Variants in ORC3 observed in about 807,000 individuals in gnomAD.
The protein encoded by ORC3 is homolog of latheo, Drosophila.
In ORC3, 78 loss-of-function variants were observed where a neutral mutation model predicts 100.7. That is an observed-to-expected ratio of 0.77 (90% CI 0.65 to 0.94). The LOEUF (loss-of-function observed/expected upper bound fraction) is 0.94, where lower values mean the gene tolerates loss of function less well. ORC3 is among the 40% of genes least tolerant of loss of function. The pLI, the probability that ORC3 is intolerant of heterozygous loss-of-function variation, is 0.00. For synonymous variants in ORC3, 295 were observed against 289.3 expected (o/e 1.02, Z -0.20); for missense variants, 789 against 823.9 (o/e 0.96, Z 0.52).
At chr6:87,607,547 T>C (rs966491323) in intron 5 of ORC3, 126 bp from the exon 6 acceptor site, 14 of 631,848 alleles carry the variant, frequency 2.2e-5, no homozygotes, top group Admixed American at 3.3e-5. Flanking sequence ...GCTGTATTGA[T>C]GGTAAGTATA....
At chr6:87,677,360 CTATTTA>C in the ORC3 span, among the ~76,000 whole-genome samples, 1 of 152,096 alleles carries the variant, frequency 6.6e-6, no homozygotes, top group Non-Finnish European at 1.5e-5. Context: ...GCTAAACATT[CTATTTA>C]TGTTACCATA....
chr6:87,669,310 G>A (rs1203959673), downstream of ORC3, among the ~76,000 whole-genome samples: 3 of 152,240 alleles, frequency 2.0e-5, no homozygotes, highest in African/African-American at 4.8e-5. Context: ...CTTTGGGAAA[G>A]ACAATGACCA....
At chr6:87,618,262 T>C (rs575937098) in intron 9 of ORC3, among the ~76,000 whole-genome samples, 1 of 151,800 alleles carries the variant, frequency 6.6e-6, no homozygotes, top group Non-Finnish European at 1.5e-5. Flanking sequence ...TACAAAAAAT[T>C]AGCCAGGCAT....
chr6:87,598,974 G>GGA (rs1332120442), intron 2 of ORC3, among the ~76,000 whole-genome samples: 2 of 152,140 alleles, frequency 1.3e-5, no homozygotes, highest in African/African-American at 4.8e-5. Context: ...GATAGGAACT[G>GGA]GAGAGAGAGA....
chr6:87,668,813 T>A (rs1183603916), downstream of ORC3, among the ~76,000 whole-genome samples: 1 of 151,874 alleles, frequency 6.6e-6, no homozygotes, highest in African/African-American at 2.4e-5. Context: ...TAAAACCCCA[T>A]CTCTACTAAA....
rs761680901 is a variant in ORC3 at position 87,594,310 on chromosome 6, C to T, written c.25-43C>T. On this transcript the variant is annotated intron_variant, in intron 1 of 19. Transcript: ENST00000392844. ...TTTGGTTAATCAGATTTCTCTGCTC[C>T]TTGGCTACTTTGACTTTATGCTTTT... 9.7e-6 allele frequency: 14 copies of T among 1,438,066 alleles called. No individual in the cohort carries two copies. In the East Asian group the frequency reaches 3.0e-4, roughly 31 times the overall value. 89.1% of individuals were successfully genotyped at this position (1,438,066 alleles called of 1,614,324 possible). A position where few individuals can be genotyped will look rare whatever the true frequency, so the allele number is the denominator to read the frequency against.
chr6:87,614,430 GT>G (rs2128257427), intron 8 of ORC3, among the ~76,000 whole-genome samples: 1 of 152,308 alleles, frequency 6.6e-6, no homozygotes, highest in Non-Finnish European at 1.5e-5. Context: ...TTTCTCCATT[GT>G]TTTGGGGATT....
chr6:87,638,513 A>C (rs1229271829), intron 13 of ORC3, among the ~76,000 whole-genome samples: 1 of 152,244 alleles, frequency 6.6e-6, no homozygotes, highest in Non-Finnish European at 1.5e-5. Flanking sequence ...TAAATTTCTT[A>C]TTTGAAATTT....
Position 87,665,766 on chromosome 6 carries a change from G to A in ORC3, c.1963G>A (p.Val655Ile). 2 of 1,610,534 alleles carry A rather than the reference G, an allele frequency of 1.2e-6. No individual in the cohort carries two copies. Among genetic ancestry groups the A allele is most frequent in the Non-Finnish European group, 1.7e-6 (2 of 1,177,104 alleles). ...GTCTATTCAAAAGGCTTTTGCAACAGTTGTGACAGCTGCTGAAAAAATGGA... is the reference window on the plus strand; with the variant it reads ...GTCTATTCAAAAGGCTTTTGCAACAATTGTGACAGCTGCTGAAAAAATGGA... ...LVDWSEAFAT[V>I]VTAAEKMDAN... The change falls in exon 19 of 20, where the codon GTT becomes ATT. Residue 655 changes from valine to isoleucine, a missense_variant. Val to Ile is a conservative substitution (Grantham distance 29). Coordinates refer to ENST00000392844, the MANE Select transcript of ORC3 (RefSeq NM_012381.4).
intron 16 of ORC3, among the ~76,000 whole-genome samples, chr6:87,659,235 TG>T (rs939122895): frequency 2.0e-4 from 30 of 151,948 alleles, no homozygotes; most frequent in African/African-American, 7.0e-4. Flanking sequence ...GGCTAATTTT[TG>T]TATTTTTAGT....
intron 13 of ORC3, among the ~76,000 whole-genome samples, chr6:87,650,308 C>A (rs2128288337): frequency 6.6e-6 from 1 of 152,198 alleles, no homozygotes; most frequent in South Asian, 2.1e-4. Context: ...TTCCCATCGG[C>A]CTCCCAAACT....
the ORC3 span, chr6:87,675,274 T>C: frequency 5.6e-6 from 2 of 358,602 alleles, no homozygotes; most frequent in Non-Finnish European, 1.0e-5. Flanking sequence ...TACAGTTTTA[T>C]TTACACAACC....
chr6:87,607,089 A>T (rs1778396931), intron 5 of ORC3, among the ~76,000 whole-genome samples: 1 of 152,168 alleles, frequency 6.6e-6, no homozygotes, highest in South Asian at 2.1e-4. Flanking sequence ...TAAAATTTAT[A>T]GTTTGCATAT....
At chr6:87,676,627 A>ACACACACACACACACACACACAC in the ORC3 span, among the ~76,000 whole-genome samples, 1 of 139,972 alleles carries the variant, frequency 7.1e-6, no homozygotes, top group Non-Finnish European at 1.6e-5. Context: ...ACACACACAC[A>ACACACACACACACACACACACAC]AACATAGCTG....
intron 16 of ORC3, among the ~76,000 whole-genome samples, chr6:87,660,150 T>A (rs1250937351): frequency 6.6e-6 from 1 of 152,210 alleles, no homozygotes; most frequent in Non-Finnish European, 1.5e-5. Context: ...ACATCAGCCG[T>A]TTCCCTGTCA....
At chr6:87,669,750 T>TG (rs973298452), downstream of ORC3, among the ~76,000 whole-genome samples, 1 of 152,234 alleles carries the variant, frequency 6.6e-6, no homozygotes, top group African/African-American at 2.4e-5. Context: ...TTTTAAACAA[T>TG]GGTTGGTACA....
At chr6:87,601,999 C>T (rs1165764429) in intron 3 of ORC3, 118 bp downstream of exon 3, 3 of 678,638 alleles carry the variant, frequency 4.4e-6, no homozygotes, top group East Asian at 5.5e-5. Context: ...ATTGGTCAAG[C>T]ATAGCCTGTA....
intron 11 of ORC3, 74 bp from the exon 12 acceptor site, chr6:87,634,771 C>T: frequency 4.0e-6 from 3 of 742,710 alleles, no homozygotes; most frequent in Non-Finnish European, 7.0e-6. Context: ...TTTTTATAGC[C>T]ATGAAGTAGA....
chr6:87,616,249 C>G (rs1251808834), intron 8 of ORC3, 65 bp from the exon 9 acceptor site: 1 of 622,462 alleles, frequency 1.6e-6, no homozygotes, highest in East Asian at 2.7e-5. Context: ...ATTATTAATA[C>G]TTAGTATTTA....
Sources: gnomAD v4.1 joint callset for allele counts (sites outside exome capture counted in the v4.1 genomes callset) on GRCh38, gnomAD v4.1.1 for gene constraint, MANE v1.5 for transcripts, NCBI Gene and HGNC (gene_info 2026-07-23, HGNC 2026-07-21) for gene names.